The following PRKN variants were observed in gnomAD, a reference collection of about 807,000 sequenced individuals.
The protein encoded by PRKN is parkin RBR E3 ubiquitin protein ligase.
A neutral mutation model predicts 59.5 loss-of-function variants in PRKN; 56 were observed. That is an observed-to-expected ratio of 0.94 (90% CI 0.76 to 1.18). The LOEUF (loss-of-function observed/expected upper bound fraction) is 1.18, where lower values mean the gene tolerates loss of function less well. Ranked by LOEUF, PRKN falls within the 50% of genes most tolerant of loss-of-function variation. The pLI is 0.00. For synonymous variants in PRKN, 250 were observed against 222.1 expected (o/e 1.13, Z -1.12); for missense variants, 657 against 596.4 (o/e 1.10, Z -1.06).
At chr6:161,398,110 C>T (rs1786853022) in intron 9 of PRKN, among the ~76,000 whole-genome samples, 1 of 152,064 alleles carries the variant, frequency 6.6e-6, no homozygotes, top group African/African-American at 2.4e-5. Flanking sequence ...TAAGGTTTTG[C>T]AGCAAAATCC....
At chr6:162,345,938 G>C (rs1784385242) in intron 2 of PRKN, among the ~76,000 whole-genome samples, 1 of 152,066 alleles carries the variant, frequency 6.6e-6, no homozygotes. Context: ...GATTAGATAA[G>C]GCCATCAGAG....
intron 2 of PRKN, among the ~76,000 whole-genome samples, chr6:162,317,898 T>A (rs1374255071): frequency 2.0e-5 from 3 of 151,472 alleles, no homozygotes; most frequent in Admixed American, 6.6e-5. Context: ...GGTTCTGAAG[T>A]TTTTTTAACA....
rs2115260609 is a variant in PRKN at position 161,487,347 on chromosome 6, CTGCCCCTTCGCCCATCTG to C, written c.1083+61489_1083+61506del. ...ATCACACTACTGTCTCCTTCCTATA[CTGCCCCTTCGCCCATCTG>C]TGTGAGCCAAGGCAAGGAAGACAGT... On this transcript the variant is annotated intron_variant, in intron 9 of 11. Coordinates refer to ENST00000366898, the MANE Select transcript of PRKN (RefSeq NM_004562.3). This position sits in a 1 kb window ranked among gnomAD's most constrained non-coding sequence, Gnocchi z 5.3. 6.6e-6 allele frequency among the ~76,000 whole-genome samples: 1 copy of C among 152,314 alleles called. No homozygotes were observed. Among genetic ancestry groups the C allele is most frequent in the South Asian group, 2.1e-4 (1 of 4,826 alleles).
chr6:162,373,287 G>C (rs1056877240), intron 2 of PRKN, among the ~76,000 whole-genome samples: 1 of 152,096 alleles, frequency 6.6e-6, no homozygotes, highest in Non-Finnish European at 1.5e-5. Context: ...GGTGAGTTTG[G>C]CAATTTTAAG....
intron 7 of PRKN, among the ~76,000 whole-genome samples, chr6:161,776,678 A>G (rs1789939214): frequency 6.6e-6 from 1 of 152,116 alleles, no homozygotes; most frequent in East Asian, 1.9e-4. Flanking sequence ...TGGCATTGGG[A>G]TCTTTAAAAA....
Position 162,697,840 on chromosome 6 carries a change from T to TA in PRKN, c.7+29821dup, listed in dbSNP as rs576497542. Among the ~76,000 whole-genome samples, 24 of 152,228 alleles carry TA rather than the reference T, an allele frequency of 1.6e-4. 1 individual carries two copies. The East Asian group carries it at 4.1e-3, about 26-fold the overall frequency. On this transcript the variant is annotated intron_variant, in intron 1 of 11. Coordinates refer to ENST00000366898, the MANE Select transcript of PRKN (RefSeq NM_004562.3). ...AATATACCTAGGTCTACTTCATTAGTAAAAAAAGTAAATATTCCTAGGTCT... is the reference window on the plus strand; with the variant it reads ...AATATACCTAGGTCTACTTCATTAGTAAAAAAAAGTAAATATTCCTAGGTCT...
At chr6:161,882,185 A>G (rs1794960975) in intron 6 of PRKN, among the ~76,000 whole-genome samples, 1 of 152,194 alleles carries the variant, frequency 6.6e-6, no homozygotes. Context: ...CTCACCTTGA[A>G]TTATGTAAAT....
intron 2 of PRKN, among the ~76,000 whole-genome samples, chr6:162,329,259 G>T (rs550014138): frequency 6.6e-6 from 1 of 152,000 alleles, no homozygotes; most frequent in East Asian, 1.9e-4. Context: ...TGCAGCACGG[G>T]GGACCCAGCA....
chr6:162,474,994 T>C (rs1277538456), intron 1 of PRKN, among the ~76,000 whole-genome samples: 2 of 152,214 alleles, frequency 1.3e-5, no homozygotes, highest in African/African-American at 2.4e-5. Context: ...ATAAAAATTC[T>C]TCTGAGAATT....
At chr6:161,600,628 C>T (rs956151828) in intron 7 of PRKN, among the ~76,000 whole-genome samples, 2 of 152,126 alleles carry the variant, frequency 1.3e-5, no homozygotes, top group Non-Finnish European at 2.9e-5. Context: ...TTTGTTAATG[C>T]AGATTGATGC....
intron 2 of PRKN, among the ~76,000 whole-genome samples, chr6:162,294,339 C>CAG (rs1470369393): frequency 2.0e-5 from 3 of 150,934 alleles, no homozygotes; most frequent in Admixed American, 1.3e-4. Context: ...AGGAGGTGAA[C>CAG]AGAGAGAGAG....
At chr6:161,380,846 C>A (rs928965009) in intron 10 of PRKN, among the ~76,000 whole-genome samples, 2 of 152,084 alleles carry the variant, frequency 1.3e-5, no homozygotes, top group Non-Finnish European at 2.9e-5. Context: ...CACTGGAAGG[C>A]CTGGTACCAT....
chr6:161,404,658 C>A (rs955063259), intron 9 of PRKN, among the ~76,000 whole-genome samples: 1 of 152,184 alleles, frequency 6.6e-6, no homozygotes, highest in African/African-American at 2.4e-5. Flanking sequence ...TTCTATGGCT[C>A]TGTGTTCAGA....
Position 161,446,118 on chromosome 6 carries a change from G to T in PRKN, c.1084-59241C>A, listed in dbSNP as rs1789480206. ...ATCTGGAGCATGGGGTGGTGGTGGGGTGGTGGGAGGATCATCTGAGCCTGG... is the reference window on the plus strand; with the variant it reads ...ATCTGGAGCATGGGGTGGTGGTGGGTTGGTGGGAGGATCATCTGAGCCTGG... On this transcript the variant is annotated intron_variant, in intron 9 of 11. Transcript: ENST00000366898. This position sits in a 1 kb window ranked among gnomAD's most constrained non-coding sequence, Gnocchi z 6.2. Among the ~76,000 whole-genome samples, 1 of 151,284 alleles carries T rather than the reference G, an allele frequency of 6.6e-6. No individual in the cohort carries two copies. Among genetic ancestry groups the T allele is most frequent in the African/African-American group, 2.4e-5 (1 of 41,172 alleles).
At chr6:162,579,332 C>T (rs1329844738) in intron 1 of PRKN, among the ~76,000 whole-genome samples, 3 of 152,086 alleles carry the variant, frequency 2.0e-5, no homozygotes. Context: ...ATCTAATCAC[C>T]TTATCTCTAG....
In PRKN at chr6:162,595,531, C is replaced by T. The variant is rs185510652; in HGVS notation, c.7+132131G>A. Among the ~76,000 whole-genome samples, 719 of 152,258 alleles carry T rather than the reference C, an allele frequency of 4.7e-3. 17 individuals carry two copies. The highest frequency in any genetic ancestry group is 0.042 in the Admixed American group (639 of 15,290). On this transcript the variant is annotated intron_variant, in intron 1 of 11. Transcript: ENST00000366898. ...GCAGCCTCCCAAAGTGCTGGGATTA[C>T]AGGCGTGAGCCACTGCGCCTGGCTT...
intron 5 of PRKN, among the ~76,000 whole-genome samples, chr6:162,009,365 T>C (rs1413462497): frequency 8.2e-6 from 1 of 122,092 alleles, no homozygotes; most frequent in Non-Finnish European, 1.8e-5. Context: ...AAGCAATGAA[T>C]TCCCAGAACA....
At chr6:161,794,661 T>C (rs1219575418) in intron 6 of PRKN, among the ~76,000 whole-genome samples, 2 of 152,152 alleles carry the variant, frequency 1.3e-5, no homozygotes. Flanking sequence ...CGAATCCCTC[T>C]GTTTCTCTCA....
At position 162,727,752 on chromosome 6, in the gene PRKN, C is replaced by T; in HGVS notation, c.-84G>A. On this transcript the variant is annotated 5_prime_UTR_variant, in exon 1 of 12. Coordinates refer to ENST00000366898, the MANE Select transcript of PRKN (RefSeq NM_004562.3). ...AGCCGCGCCTCCCACCAGCGGCTCT[C>T]CTGGGTTAAATCCTCCAGGCCTCCC... 7.0e-7 allele frequency: 1 copy of T among 1,432,482 alleles called. No homozygotes were observed. Among genetic ancestry groups the T allele is most frequent in the Non-Finnish European group, 9.6e-7 (1 of 1,040,850 alleles). The allele number at this position is 1,432,482 out of a possible 1,614,324, so 88.7% of individuals were successfully genotyped here.
Sources: allele counts gnomAD v4.1 joint callset (sites outside exome capture counted in the v4.1 genomes callset), GRCh38; gene constraint gnomAD v4.1.1; non-coding constraint Gnocchi (gnomAD v3.1); transcripts MANE v1.5; gene names NCBI Gene and HGNC (gene_info 2026-07-23, HGNC 2026-07-21).